AK3: variants seen among roughly 807,000 people sequenced by gnomAD.
AK3 encodes GTP:AMP phosphotransferase AK3, mitochondrial.
In AK3, 27 loss-of-function variants were observed where a neutral mutation model predicts 23.7. The observed-to-expected ratio is 1.14, with a 90% confidence interval of 0.84 to 1.57. AK3 has a LOEUF of 1.57. Ranked by LOEUF, AK3 falls within the 40% of genes most tolerant of loss-of-function variation. The pLI is 0.00. For missense variants in AK3, 406 were observed against 285.6 expected (o/e 1.42, Z -3.04); for synonymous variants, 159 against 116.0 (o/e 1.37, Z -2.38).
chr9:4,716,852 G>C (rs1441773221), intron 4 of AK3, among the ~76,000 whole-genome samples: 1 of 152,136 alleles, frequency 6.6e-6, no homozygotes, highest in Non-Finnish European at 1.5e-5. Context: ...AATTGCTTGA[G>C]CCCAGGAATT....
Position 4,718,526 on chromosome 9 carries a change from G to T in AK3, c.456C>A (p.Asp152Glu), listed in dbSNP as rs1279178644. The T allele has an allele frequency of 6.2e-7, 1 of 1,612,274 alleles. No homozygotes were observed. The highest frequency in any genetic ancestry group is 2.2e-5 in the East Asian group (1 of 44,866). ...GCTGAATGAGAGGCTCCCCAGTCAG[G>T]TCATCAATGCCCTAAACAGGATTAG... ...FNPPKTVGID[D>E]LTGEPLIQRE... is the part of the protein sequence containing the mutation. Residue 152 changes from aspartate to glutamate, a missense_variant, in exon 4 of 5, where the codon GAC becomes GAA. Asp to Glu is a conservative substitution (Grantham distance 45). Coordinates refer to ENST00000381809, the MANE Select transcript of AK3 (RefSeq NM_016282.4).
At chr9:4,722,948 T>C (rs903890568) in intron 1 of AK3, among the ~76,000 whole-genome samples, 9 of 152,080 alleles carry the variant, frequency 5.9e-5, no homozygotes, top group Admixed American at 4.6e-4. Flanking sequence ...CCCAGCTACT[T>C]GGGGGTAGCT....
intron 2 of AK3, among the ~76,000 whole-genome samples, chr9:4,720,796 A>T (rs1841876259): frequency 6.6e-6 from 1 of 152,196 alleles, no homozygotes; most frequent in South Asian, 2.1e-4. Flanking sequence ...ATGTGGAAAA[A>T]TTTGCCAGTG....
At chr9:4,720,843 A>C (rs1841877290) in intron 2 of AK3, among the ~76,000 whole-genome samples, 1 of 152,218 alleles carries the variant, frequency 6.6e-6, no homozygotes, top group African/African-American at 2.4e-5. Context: ...GACAATGATA[A>C]CGACTAAAAC....
rs1164004300 is a variant in AK3, at chr9:4,710,881, C to T, written c.*2095G>A. The T allele has an allele frequency of 6.6e-6, 1 of 151,988 alleles. No homozygotes were observed. The highest frequency in any genetic ancestry group is 1.5e-5 in the Non-Finnish European group (1 of 68,038). 9.4% of individuals were successfully genotyped at this position (151,988 alleles called of 1,614,324 possible). Reference sequence around the variant, plus strand: ...CCCAATTATGCCACTGCACTCTAGTCTGGGCAACAGAGTGAGGCCCTGTCT... The same window carrying T: ...CCCAATTATGCCACTGCACTCTAGTTTGGGCAACAGAGTGAGGCCCTGTCT... On this transcript the variant is annotated 3_prime_UTR_variant, in exon 5 of 5. Transcript: ENST00000381809.
At chr9:4,730,282 C>G (rs10974755) in intron 1 of AK3, among the ~76,000 whole-genome samples, 1 of 151,942 alleles carries the variant, frequency 6.6e-6, no homozygotes, top group Non-Finnish European at 1.5e-5. Context: ...TTTGGATATG[C>G]TAAAAACCAC....
intron 1 of AK3, among the ~76,000 whole-genome samples, chr9:4,726,211 G>T (rs1269445283): frequency 1.3e-5 from 2 of 152,134 alleles, no homozygotes; most frequent in African/African-American, 2.4e-5. Flanking sequence ...CAGGATGGAG[G>T]TTGCTAAATG....
chr9:4,735,619 C>G (rs891124482), intron 1 of AK3, among the ~76,000 whole-genome samples: 10 of 148,766 alleles, frequency 6.7e-5, no homozygotes, highest in Non-Finnish European at 8.9e-5. Flanking sequence ...TGCCCGCCAC[C>G]ATACCCAACT....
At chr9:4,729,015 A>ATATTTTT (rs71326127) in intron 1 of AK3, among the ~76,000 whole-genome samples, 8 of 129,432 alleles carry the variant, frequency 6.2e-5, no homozygotes, top group East Asian at 4.8e-4. Flanking sequence ...ATATATATAT[A>ATATTTTT]TTTTTTTTTT....
chr9:4,737,197 T>C (rs1403224690), intron 1 of AK3, among the ~76,000 whole-genome samples: 2 of 151,062 alleles, frequency 1.3e-5, no homozygotes, highest in Non-Finnish European at 3.0e-5. Context: ...AGCTATAATT[T>C]TCATGAAATA....
In AK3 at chr9:4,710,917, A is replaced by G; in HGVS notation, c.*2059T>C. On this transcript the variant is annotated 3_prime_UTR_variant, in exon 5 of 5. Coordinates refer to ENST00000381809, the MANE Select transcript of AK3 (RefSeq NM_016282.4). ...AGTGAGGCCCTGTCTAAAAAAAAAT[A>G]AAGAAAAAAGTTGTATTACAGTCAT... is the stretch of plus-strand genomic sequence containing the variant. 1 of 152,130 alleles carries G rather than the reference A, an allele frequency of 6.6e-6. No individual in the cohort carries two copies. Among genetic ancestry groups the G allele is most frequent in the East Asian group, 1.9e-4 (1 of 5,194 alleles). 9.4% of individuals were successfully genotyped at this position (152,130 alleles called of 1,614,324 possible).
At chr9:4,741,875 C>A (rs561014011), upstream of AK3, 1 of 152,622 alleles carries the variant, frequency 6.6e-6, no homozygotes, top group Non-Finnish European at 1.5e-5. Context: ...TTCGCCCTTC[C>A]CTCCTTCCTC....
intron 1 of AK3, 46 bp downstream of exon 1, chr9:4,740,891 G>A: frequency 4.8e-6 from 7 of 1,452,490 alleles, no homozygotes; most frequent in Non-Finnish European, 6.4e-6. Context: ...CGCGAAGTCC[G>A]ACCCGGGTGA....
chr9:4,723,093 G>T (rs903922580), intron 1 of AK3, among the ~76,000 whole-genome samples: 2 of 148,096 alleles, frequency 1.4e-5, no homozygotes, highest in African/African-American at 5.3e-5. Flanking sequence ...AAAAACAAAG[G>T]TTACAAAATA....
chr9:4,727,187 T>C (rs1842039712), intron 1 of AK3, among the ~76,000 whole-genome samples: 2 of 152,196 alleles, frequency 1.3e-5, no homozygotes, highest in South Asian at 4.1e-4. Context: ...AAATGAGCAT[T>C]GGCTTCAACT....
At chr9:4,718,388 G>A (rs750601704) in intron 4 of AK3, 31 bp downstream of exon 4, 16 of 1,509,628 alleles carry the variant, frequency 1.1e-5, no homozygotes, top group Non-Finnish European at 1.2e-5. Context: ...GCACCACTAC[G>A]CAAGAGAAGT....
chr9:4,740,016 G>A (rs1842388168), intron 1 of AK3, among the ~76,000 whole-genome samples: 1 of 135,058 alleles, frequency 7.4e-6, no homozygotes, highest in Non-Finnish European at 1.5e-5. Flanking sequence ...GAAAGAGGGC[G>A]TTGTTTTTTA....
chr9:4,729,893 G>A (rs191385320), intron 1 of AK3, among the ~76,000 whole-genome samples: 1 of 151,806 alleles, frequency 6.6e-6, no homozygotes. Context: ...GTTCATAGTG[G>A]CATTATTTAA....
rs1399879587 is a variant in AK3 at position 4,713,110 on chromosome 9, A to G, written c.564-14T>C. 1 of 1,612,768 alleles carries G rather than the reference A, an allele frequency of 6.2e-7. No individual in the cohort carries two copies. Among genetic ancestry groups the G allele is most frequent in the Non-Finnish European group, 8.5e-7 (1 of 1,179,314 alleles). On this transcript the variant is annotated splice_polypyrimidine_tract_variant and intron_variant, in intron 4 of 4. Coordinates refer to ENST00000381809, the MANE Select transcript of AK3 (RefSeq NM_016282.4). Reference sequence around the variant, plus strand: ...ACCCCTTTTTTCCTAAAGATGAAACAAAAACAAAACAAACACACACAGGTC... The same window carrying G: ...ACCCCTTTTTTCCTAAAGATGAAACGAAAACAAAACAAACACACACAGGTC...
Sources: gnomAD v4.1 joint callset for allele counts (sites outside exome capture counted in the v4.1 genomes callset) on GRCh38, gnomAD v4.1.1 for gene constraint, MANE v1.5 for transcripts, NCBI Gene and HGNC (gene_info 2026-07-23, HGNC 2026-07-21) for gene names.